The following SLC35F1 variants were observed in gnomAD, a reference collection of about 807,000 sequenced individuals.
SLC35F1 encodes solute carrier family 35 member F1.
In SLC35F1, 14 loss-of-function variants were observed where a neutral mutation model predicts 48.7. That is an observed-to-expected ratio of 0.29 (90% CI 0.19 to 0.45). The LOEUF is 0.45. Ranked by LOEUF, SLC35F1 falls within the 20% of genes least tolerant of loss-of-function variation. The pLI, the probability that SLC35F1 is intolerant of heterozygous loss-of-function variation, is 1.00. For missense variants in SLC35F1, 404 were observed against 500.0 expected (o/e 0.81, Z 1.83); for synonymous variants, 190 against 202.2 (o/e 0.94, Z 0.51).
intron 2 of SLC35F1, among the ~76,000 whole-genome samples, chr6:118,233,128 G>A (rs1174358094): frequency 6.6e-6 from 1 of 152,174 alleles, no homozygotes; most frequent in Non-Finnish European, 1.5e-5. Flanking sequence ...ACCACACTCA[G>A]CTAATTCATG....
At chr6:118,091,579 C>A (rs9387554) in intron 1 of SLC35F1, among the ~76,000 whole-genome samples, 6 of 151,922 alleles carry the variant, frequency 3.9e-5, no homozygotes, top group African/African-American at 7.3e-5. Flanking sequence ...GATAAATTAC[C>A]CAGTCTTGGG....
chr6:118,166,854 C>T (rs367891439), intron 2 of SLC35F1, among the ~76,000 whole-genome samples: 5 of 152,138 alleles, frequency 3.3e-5, no homozygotes, highest in Admixed American at 6.5e-5. Flanking sequence ...CAACCTGGTA[C>T]GCAAGCCAAG....
rs1409650475 is a variant in SLC35F1 at position 118,315,876 on chromosome 6, T to C, written c.*1624T>C. The C allele has an allele frequency of 6.6e-6, 1 of 152,220 alleles. No individual in the cohort carries two copies. The highest frequency in any genetic ancestry group is 1.9e-4 in the East Asian group (1 of 5,200). 9.4% of individuals were successfully genotyped at this position (152,220 alleles called of 1,614,324 possible). The stretch of plus-strand genomic sequence containing the variant: ...GAAATTAAGAAACACCACAGACCTC[T>C]ATTATTTAGAATAGATTCTATGTGT... On this transcript the variant is annotated 3_prime_UTR_variant, in exon 8 of 8. Transcript: ENST00000360388.
At chr6:117,925,724 A>G (rs528850665) in intron 1 of SLC35F1, among the ~76,000 whole-genome samples, 1 of 152,126 alleles carries the variant, frequency 6.6e-6, no homozygotes, top group South Asian at 2.1e-4. Context: ...GGTTTGCTCG[A>G]GTGTGTGATG....
chr6:118,089,356 C>G (rs781459913), intron 1 of SLC35F1, among the ~76,000 whole-genome samples: 1 of 152,110 alleles, frequency 6.6e-6, no homozygotes, highest in Non-Finnish European at 1.5e-5. Flanking sequence ...TTCATCCTTA[C>G]GTATGCCCAA....
At chr6:118,191,717 T>C (rs1774736229) in intron 2 of SLC35F1, among the ~76,000 whole-genome samples, 1 of 152,188 alleles carries the variant, frequency 6.6e-6, no homozygotes, top group Admixed American at 6.5e-5. Context: ...CTGGTGAAAA[T>C]ACAGTGTAGC....
chr6:118,281,392 G>T (rs1562349578), intron 6 of SLC35F1, among the ~76,000 whole-genome samples: 1 of 152,056 alleles, frequency 6.6e-6, no homozygotes, highest in Non-Finnish European at 1.5e-5. Flanking sequence ...CTGGTCTGTT[G>T]CCTGTTTACT....
intron 1 of SLC35F1, among the ~76,000 whole-genome samples, chr6:118,080,195 A>T (rs1772885214): frequency 6.6e-6 from 1 of 152,248 alleles, no homozygotes; most frequent in African/African-American, 2.4e-5. Flanking sequence ...AAGAAAAAAT[A>T]TATCAAAGTA....
At chr6:118,221,449 A>C (rs570095811) in intron 2 of SLC35F1, among the ~76,000 whole-genome samples, 14 of 152,314 alleles carry the variant, frequency 9.2e-5, no homozygotes, top group Admixed American at 2.0e-4. Context: ...AAATAAGGAC[A>C]TGGAAGTAAT....
At chr6:117,923,834 CACATT>C (rs1775977686) in intron 1 of SLC35F1, among the ~76,000 whole-genome samples, 1 of 125,446 alleles carries the variant, frequency 8.0e-6, no homozygotes, top group Non-Finnish European at 1.6e-5. Flanking sequence ...TATACATATA[CACATT>C]ACATATATGC....
intron 1 of SLC35F1, among the ~76,000 whole-genome samples, chr6:118,106,183 C>G (rs142736806): frequency 6.6e-6 from 1 of 152,274 alleles, no homozygotes; most frequent in East Asian, 1.9e-4. Context: ...TAGAAGAGCA[C>G]ACCCTCCTCA....
intron 1 of SLC35F1, among the ~76,000 whole-genome samples, chr6:117,940,245 C>G (rs1431905738): frequency 6.6e-6 from 1 of 152,136 alleles, no homozygotes; most frequent in Non-Finnish European, 1.5e-5. Context: ...ACAAAACAAG[C>G]ACGAGTCTTC....
chr6:118,041,850 G>A (rs2114902500), intron 1 of SLC35F1, among the ~76,000 whole-genome samples: 1 of 152,092 alleles, frequency 6.6e-6, no homozygotes, highest in South Asian at 2.1e-4. Context: ...GGTTAGAGAA[G>A]TTGTCATGCT....
Position 117,998,351 on chromosome 6 carries a change from C to T in SLC35F1, c.173+90452C>T, listed in dbSNP as rs561102853. Among the ~76,000 whole-genome samples, 95 of 151,404 alleles carry T rather than the reference C, an allele frequency of 6.3e-4. 1 individual carries two copies. Among genetic ancestry groups the T allele is most frequent in the Non-Finnish European group, 4.4e-4 (30 of 67,864 alleles). On this transcript the variant is annotated intron_variant, in intron 1 of 7. Transcript: ENST00000360388. Reference sequence around the variant, plus strand: ...GGAGACTTTAACACCCCACTGTCAACATTAGACAGATCAACGAGACAGAAA... The same window carrying T: ...GGAGACTTTAACACCCCACTGTCAATATTAGACAGATCAACGAGACAGAAA...
rs926731093 is a variant in SLC35F1 at position 118,317,049 on chromosome 6, A to G, written c.*2797A>G. The G allele has an allele frequency of 2.5e-4, 38 of 152,656 alleles. No homozygotes were observed. Among genetic ancestry groups the G allele is most frequent in the African/African-American group, 8.7e-4 (36 of 41,448 alleles). 9.5% of individuals were successfully genotyped at this position (152,656 alleles called of 1,614,324 possible). A position where few individuals can be genotyped will look rare whatever the true frequency, so the allele number is the denominator to read the frequency against. On this transcript the variant is annotated 3_prime_UTR_variant, in exon 8 of 8. Coordinates refer to ENST00000360388, the MANE Select transcript of SLC35F1 (RefSeq NM_001029858.4). ...GTTTCTGAGATTTCATAACCTCAGT[A>G]GACACCAGCAAAATTTTCAGTTTCT... is the stretch of plus-strand genomic sequence containing the variant.
chr6:118,071,110 TATATATACATATATAC>T (rs1301014282), intron 1 of SLC35F1, among the ~76,000 whole-genome samples: 6 of 44,200 alleles, frequency 1.4e-4, no homozygotes, highest in African/African-American at 3.3e-4. Context: ...ATAGTATGTA[TATATATACATATATAC>T]ATATATACAT....
At chr6:117,967,878 T>G (rs1358361975) in intron 1 of SLC35F1, among the ~76,000 whole-genome samples, 1 of 152,156 alleles carries the variant, frequency 6.6e-6, no homozygotes, top group Non-Finnish European at 1.5e-5. Context: ...TTTCAGAAAC[T>G]CTCTTGTAAG....
chr6:118,212,756 A>C (rs1480244205), intron 2 of SLC35F1, among the ~76,000 whole-genome samples: 1 of 130,084 alleles, frequency 7.7e-6, no homozygotes, highest in Non-Finnish European at 1.7e-5. Flanking sequence ...GGAAGGAAGG[A>C]AGGAAGGAAG....
chr6:118,306,727 G>A (rs942520855), intron 7 of SLC35F1, among the ~76,000 whole-genome samples: 12 of 152,104 alleles, frequency 7.9e-5, no homozygotes, highest in African/African-American at 1.2e-4. Context: ...TGGCTATTAC[G>A]GCCTCTCTTT....
Sources: allele counts gnomAD v4.1 joint callset (sites outside exome capture counted in the v4.1 genomes callset), GRCh38; gene constraint gnomAD v4.1.1; transcripts MANE v1.5; gene names NCBI Gene and HGNC (gene_info 2026-07-23, HGNC 2026-07-21).